Variants in CYP26B1 observed in about 807,000 individuals in gnomAD.
CYP26B1 encodes the protein cytochrome P450 family 26 subfamily B member 1.
In CYP26B1, 8 loss-of-function variants were observed where a neutral mutation model predicts 39.1. The ratio of observed to expected loss-of-function variants is 0.20; its 90% CI spans 0.12 to 0.37. The LOEUF (loss-of-function observed/expected upper bound fraction) is 0.37, where lower values mean the gene tolerates loss of function less well. Ranked by LOEUF, CYP26B1 falls within the 10% of genes least tolerant of loss-of-function variation. The probability of loss-of-function intolerance (pLI) is 1.00; values close to 1 mark genes in which losing one functional copy is unlikely to be tolerated. For missense variants in CYP26B1, 615 were observed against 707.0 expected (o/e 0.87, Z 1.48); for synonymous variants, 321 against 314.3 (o/e 1.02, Z -0.23).
rs142056257 is a variant in CYP26B1 at position 72,132,271 on chromosome 2, C to T, written c.1495G>A (p.Glu499Lys). The change falls in exon 6 of 6, where the codon GAG (glutamate) becomes AAG (lysine). Residue 499 changes from glutamate (E) to lysine (K), a missense_variant. By Grantham distance (56) the Glu-to-Lys change is moderately conservative. Transcript: ENST00000001146. ...KFFGLDSNQN[E>K]ILPETEAMLS... is the part of the protein sequence containing the mutation. The stretch of plus-strand genomic sequence containing the variant: ...ATGGCCTCCGTCTCCGGCAGGATCT[C>T]GTTCTGGTTGGAGTCCAGGCCAAAG... The T allele has an allele frequency of 1.4e-4, 223 of 1,604,930 alleles. 1 individual carries two copies. The African/African-American group carries it at 2.4e-3, about 17-fold the overall frequency.
At chr2:72,134,607 C>A (rs1227538523) in intron 4 of CYP26B1, among the ~76,000 whole-genome samples, 154 bp downstream of exon 4, 1 of 152,202 alleles carries the variant, frequency 6.6e-6, no homozygotes, top group African/African-American at 2.4e-5. Context: ...ACAGACTTCG[C>A]TTCCAGTTTC....
At chr2:72,142,095 TC>T (rs1232989887) in intron 2 of CYP26B1, among the ~76,000 whole-genome samples, 2 of 133,836 alleles carry the variant, frequency 1.5e-5, no homozygotes, top group Non-Finnish European at 3.2e-5. Flanking sequence ...CATCCCCCCT[TC>T]CCCCCACCGC....
intron 2 of CYP26B1, among the ~76,000 whole-genome samples, chr2:72,143,714 C>T (rs1572930305): frequency 6.6e-6 from 1 of 152,256 alleles, no homozygotes; most frequent in African/African-American, 2.4e-5. Context: ...CAAGGACAGG[C>T]TTTGGACACC....
chr2:72,135,666 G>C (rs1382918064), intron 2 of CYP26B1, among the ~76,000 whole-genome samples: 1 of 152,174 alleles, frequency 6.6e-6, no homozygotes, highest in Non-Finnish European at 1.5e-5. Flanking sequence ...GCCCATTTCG[G>C]AATCCCGGGA....
In CYP26B1 at chr2:72,134,817, G is replaced by C. The variant is rs373199495; in HGVS notation, c.805C>G (p.Leu269Val). ...TGCTCCTTGCTGCTCTCAATGAGGA[G>C]GTCCAGGGCGTCCAAGTAGTCCTTG... ...QGKDYLDALD[L>V]LIESSKEHGK... The change falls in exon 4 of 6, where the codon CTC becomes GTC. Residue 269 changes from leucine (L) to valine (V), a missense_variant. Leu to Val is a conservative substitution (Grantham distance 32). Transcript: ENST00000001146. The C allele has an allele frequency of 2.9e-5, 47 of 1,614,180 alleles. No homozygotes were observed. In the East Asian group the frequency reaches 6.5e-4, roughly 22 times the overall value.
rs1676746307 is a variant in CYP26B1 at position 72,135,534 on chromosome 2, A to G, written c.430-115T>C. On this transcript the variant is annotated intron_variant, in intron 2 of 5. Coordinates refer to ENST00000001146, the MANE Select transcript of CYP26B1 (RefSeq NM_019885.4). Reference sequence around the variant, plus strand: ...GAGAGAACTTCAGCTTCCACACAACAGCAAAGCCTTGGGAGCTGGGCAGGC... The same window carrying G: ...GAGAGAACTTCAGCTTCCACACAACGGCAAAGCCTTGGGAGCTGGGCAGGC... 3 of 1,472,088 alleles carry G rather than the reference A, an allele frequency of 2.0e-6. No individual in the cohort carries two copies. In the East Asian group the frequency reaches 6.9e-5, roughly 34 times the overall value. The allele number at this position is 1,472,088 out of a possible 1,614,324, so 91.2% of individuals were successfully genotyped here. A position where few individuals can be genotyped will look rare whatever the true frequency, so the allele number is the denominator to read the frequency against.
chr2:72,139,295 AG>A (rs1676870449), intron 2 of CYP26B1, among the ~76,000 whole-genome samples: 1 of 152,176 alleles, frequency 6.6e-6, no homozygotes, highest in Non-Finnish European at 1.5e-5. Context: ...CCGTCCGCAC[AG>A]GGGTGACGCC....
rs571701099 is a variant in CYP26B1 at position 72,142,925 on chromosome 2, C to T, written c.429+1064G>A. ...TTTGACCGCTCCTTCTTTTGTCTGC[C>T]GTTAAGAATTACCCTTCACAGGCTG... is the stretch of plus-strand genomic sequence containing the variant. On this transcript the variant is annotated intron_variant, in intron 2 of 5. Transcript: ENST00000001146. 3 of 167,142 alleles carry T rather than the reference C, an allele frequency of 1.8e-5. No individual in the cohort carries two copies. The Admixed American group carries it at 2.0e-4, about 11-fold the overall frequency. 10.4% of individuals were successfully genotyped at this position (167,142 alleles called of 1,614,324 possible). A position where few individuals can be genotyped will look rare whatever the true frequency, so the allele number is the denominator to read the frequency against.
chr2:72,144,317 TCCCCACC>T (rs1462417783), intron 1 of CYP26B1, 104 bp from the exon 2 acceptor site: 13 of 1,510,958 alleles, frequency 8.6e-6, no homozygotes, highest in Admixed American at 6.4e-5. Context: ...CTGCCCCCTC[TCCCCACC>T]AAACACACTC....
chr2:72,133,716 C>T (rs1351888057), intron 4 of CYP26B1, among the ~76,000 whole-genome samples: 1 of 152,310 alleles, frequency 6.6e-6, no homozygotes, highest in South Asian at 2.1e-4. Context: ...GGATGTGAGT[C>T]TAAACCCGGG....
At chr2:72,144,541 C>G in intron 1 of CYP26B1, 1 of 1,110,444 alleles carries the variant, frequency 9.0e-7, no homozygotes. Context: ...CACCCCCACA[C>G]CCCCACCCCG....
Position 72,131,925 on chromosome 2 carries a change from G to A in CYP26B1, c.*302C>T, listed in dbSNP as rs897877998. 2.1e-6 allele frequency: 1 copy of A among 473,364 alleles called. No homozygotes were observed. The highest frequency in any genetic ancestry group is 2.4e-5 in the South Asian group (1 of 41,478). The allele number at this position is 473,364 out of a possible 1,614,324, so 29.3% of individuals were successfully genotyped here. On this transcript the variant is annotated 3_prime_UTR_variant, in exon 6 of 6. Transcript: ENST00000001146. Reference sequence around the variant, plus strand: ...CAGTTCAGAACATCACAAAAACACTGTAGCACGCGCTGACACCTAACACTG... The same window carrying A: ...CAGTTCAGAACATCACAAAAACACTATAGCACGCGCTGACACCTAACACTG...
At chr2:72,140,239 C>A (rs890134506) in intron 2 of CYP26B1, among the ~76,000 whole-genome samples, 1 of 152,330 alleles carries the variant, frequency 6.6e-6, no homozygotes, top group South Asian at 2.1e-4. Flanking sequence ...CCCACCCTCC[C>A]GCTGCCTGGC....
In CYP26B1 at chr2:72,147,251, G is replaced by A. The variant is rs540284570; in HGVS notation, c.204+380C>T. 2.2e-3 allele frequency among the ~76,000 whole-genome samples: 332 copies of A among 152,286 alleles called. No homozygotes were observed. The highest frequency in any genetic ancestry group is 3.8e-3 in the Non-Finnish European group (256 of 68,024). ...CCCAGAAAGCCGAGGGCGACTGGGG[G>A]CTTGCAGCACCGAGGGGAGGCGAAA... On this transcript the variant is annotated intron_variant, in intron 1 of 5. Coordinates refer to ENST00000001146, the MANE Select transcript of CYP26B1 (RefSeq NM_019885.4). This position sits in a 1 kb window ranked among gnomAD's most constrained non-coding sequence, Gnocchi z 6.1.
chr2:72,131,777 T>A lies in CYP26B1; in HGVS notation c.*450A>T, dbSNP rs1676586159. 5.8e-6 allele frequency: 1 copy of A among 172,762 alleles called. No homozygotes were observed. Among genetic ancestry groups the A allele is most frequent in the Non-Finnish European group, 1.2e-5 (1 of 80,866 alleles). The allele number at this position is 172,762 out of a possible 1,614,324, so 10.7% of individuals were successfully genotyped here. ...CCTGTTCTGCTACCCAGGATGCTGT[T>A]CCTGGGCAGACGCAGTGGGGGCGCA... On this transcript the variant is annotated 3_prime_UTR_variant, in exon 6 of 6. Coordinates refer to ENST00000001146, the MANE Select transcript of CYP26B1 (RefSeq NM_019885.4).
In CYP26B1 at chr2:72,132,618, C is replaced by T. The variant is rs772601509; in HGVS notation, c.1148G>A (p.Gly383Asp). Residue 383 changes from glycine to aspartate, a missense_variant and splice_region_variant, in exon 6 of 6, where the codon GGT becomes GAT. By Grantham distance (94) the Gly-to-Asp change is moderately conservative. Transcript: ENST00000001146. Reference sequence around the variant, plus strand: ...ACTCCAGCCTTTGGGGATCTGGAAACCCTGGAGCAAGATGGGGGCCGAGGA... The same window carrying T: ...ACTCCAGCCTTTGGGGATCTGGAAATCCTGGAGCAAGATGGGGGCCGAGGA... ...RTVLQTFELDGFQIPKGWSVM... is the reference protein window; with the variant it reads ...RTVLQTFELDDFQIPKGWSVM... 16 of 1,601,866 alleles carry T rather than the reference C, an allele frequency of 1.0e-5. No individual in the cohort carries two copies. In the East Asian group the frequency reaches 3.6e-4, roughly 36 times the overall value.
chr2:72,132,975 G>C (rs375429436), intron 5 of CYP26B1, 48 bp downstream of exon 5: 16 of 1,611,710 alleles, frequency 9.9e-6, no homozygotes, highest in Non-Finnish European at 1.4e-5. Flanking sequence ...CCCCTATCCC[G>C]GTGCCCCTGC....
chr2:72,146,993 T>C (rs1677138938), intron 1 of CYP26B1, among the ~76,000 whole-genome samples: 1 of 152,094 alleles, frequency 6.6e-6, no homozygotes, highest in Non-Finnish European at 1.5e-5. Context: ...ACCCAATAAG[T>C]AAATAGACCC....
chr2:72,135,407 T>A lies in CYP26B1; in HGVS notation c.442A>T (p.Ile148Phe). The A allele has an allele frequency of 6.2e-7, 1 of 1,611,280 alleles. No homozygotes were observed. The highest frequency in any genetic ancestry group is 2.2e-5 in the East Asian group (1 of 44,878). ...HRNKRKVFSK[I>F]FSHEALESYL... ...CTCTCCAGGGCCTCGTGGCTGAAGA[T>A]CTTGGAGAAGACCTGGAAGGCAGAG... The change falls in exon 3 of 6, where the codon ATC (isoleucine) becomes TTC (phenylalanine). Residue 148 changes from isoleucine (I) to phenylalanine (F), a missense_variant. Transcript: ENST00000001146.
Sources: allele counts gnomAD v4.1 joint callset (sites outside exome capture counted in the v4.1 genomes callset), GRCh38; gene constraint gnomAD v4.1.1; non-coding constraint Gnocchi (gnomAD v3.1); transcripts MANE v1.5; gene names NCBI Gene and HGNC (gene_info 2026-07-23, HGNC 2026-07-21).